The following ME1 variants were observed in gnomAD, a reference collection of about 807,000 sequenced individuals.
ME1 encodes NADP-dependent malic enzyme.
Under a neutral mutation model 66.4 loss-of-function variants are expected in ME1, and 74 were observed. The ratio of observed to expected loss-of-function variants is 1.11; its 90% CI spans 0.92 to 1.35. ME1 has a LOEUF of 1.35. Ranked by LOEUF, ME1 falls within the 40% of genes most tolerant of loss-of-function variation. ME1 has a pLI of 0.00. For missense variants in ME1, 750 were observed against 694.1 expected (o/e 1.08, Z -0.90); for synonymous variants, 251 against 235.6 (o/e 1.07, Z -0.60).
Position 83,223,948 on chromosome 6 carries a change from C to T in ME1, c.1276-15G>A, listed in dbSNP as rs1006290120. 6.2e-7 allele frequency: 1 copy of T among 1,606,816 alleles called. No homozygotes were observed. ...ATTGCACGTCCCTACAACAAAGACA[C>T]ATACAACTCACTTTAAAAAGAAGCA... On this transcript the variant is annotated splice_polypyrimidine_tract_variant and intron_variant, in intron 11 of 13. Transcript: ENST00000369705.
At chr6:83,410,782 TAAC>T (rs1249251487) in intron 1 of ME1, among the ~76,000 whole-genome samples, 2 of 152,236 alleles carry the variant, frequency 1.3e-5, no homozygotes, top group African/African-American at 2.4e-5. Context: ...TAATGGCACT[TAAC>T]AACATTTATT....
At chr6:83,344,681 A>G (rs1296813172) in intron 5 of ME1, among the ~76,000 whole-genome samples, 1 of 152,108 alleles carries the variant, frequency 6.6e-6, no homozygotes, top group African/African-American at 2.4e-5. Context: ...CAGGAGATCG[A>G]GACCATCCTG....
At chr6:83,218,504 G>A (rs1248370345) in intron 12 of ME1, among the ~76,000 whole-genome samples, 1 of 152,152 alleles carries the variant, frequency 6.6e-6, no homozygotes, top group Admixed American at 6.5e-5. Context: ...GCTGTAAGCT[G>A]TATACATTCC....
intron 1 of ME1, among the ~76,000 whole-genome samples, chr6:83,428,072 T>C (rs192474485): frequency 4.6e-5 from 7 of 150,968 alleles, no homozygotes; most frequent in Admixed American, 4.6e-4. Context: ...ATAGTACAAC[T>C]GAATACATAA....
In ME1 at chr6:83,413,279, T is replaced by C. The variant is rs534577379; in HGVS notation, c.79-5378A>G. ...TGCCTGCCTTGGCCTCCCAAAGTCC[T>C]AGGATTATTACACAATCAAATTAAA... On this transcript the variant is annotated intron_variant, in intron 1 of 13. Coordinates refer to ENST00000369705, the MANE Select transcript of ME1 (RefSeq NM_002395.6). Among the ~76,000 whole-genome samples the C allele has an allele frequency of 2.0e-5, 3 of 152,326 alleles. No individual in the cohort carries two copies. In the South Asian group the frequency reaches 6.2e-4, roughly 32 times the overall value.
chr6:83,353,853 G>A (rs1340501948), intron 3 of ME1, among the ~76,000 whole-genome samples: 2 of 152,132 alleles, frequency 1.3e-5, no homozygotes, highest in Admixed American at 1.3e-4. Context: ...GTTTCCTTGA[G>A]CAGAAAGTGG....
rs557680427 is a variant in ME1 at position 83,241,342 on chromosome 6, T to C, written c.815-1706A>G. Among the ~76,000 whole-genome samples the C allele has an allele frequency of 5.9e-5, 9 of 152,308 alleles. No individual in the cohort carries two copies. The South Asian group carries it at 8.3e-4, about 14-fold the overall frequency. ...AAGGGTTTCTATAAGATTTAACCAATTGAAGCATCAAAGTTGAAGTATCAT... is the reference window on the plus strand; with the variant it reads ...AAGGGTTTCTATAAGATTTAACCAACTGAAGCATCAAAGTTGAAGTATCAT... On this transcript the variant is annotated intron_variant, in intron 7 of 13. Coordinates refer to ENST00000369705, the MANE Select transcript of ME1 (RefSeq NM_002395.6).
intron 1 of ME1, among the ~76,000 whole-genome samples, chr6:83,424,542 A>G (rs1265555054): frequency 6.6e-6 from 1 of 152,178 alleles, no homozygotes; most frequent in Non-Finnish European, 1.5e-5. Context: ...CTAAACACAA[A>G]AATCAAAAGA....
intron 6 of ME1, among the ~76,000 whole-genome samples, chr6:83,284,742 C>G (rs1283880297): frequency 6.6e-6 from 1 of 152,070 alleles, no homozygotes; most frequent in Admixed American, 6.6e-5. Flanking sequence ...CAGCCAACAT[C>G]ATATTAAACT....
At chr6:83,230,945 T>TA (rs1332140512) in intron 9 of ME1, among the ~76,000 whole-genome samples, 5 of 151,308 alleles carry the variant, frequency 3.3e-5, no homozygotes, top group Admixed American at 1.3e-4. Context: ...AAATAAAAAA[T>TA]AAAAAAAAGA....
At chr6:83,248,609 G>A (rs1182324865) in intron 7 of ME1, among the ~76,000 whole-genome samples, 1 of 152,044 alleles carries the variant, frequency 6.6e-6, no homozygotes, top group African/African-American at 2.4e-5. Context: ...CATGGGGGCG[G>A]TTTTACCCAT....
chr6:83,410,652 G>A (rs1770032744), intron 1 of ME1, among the ~76,000 whole-genome samples: 1 of 152,136 alleles, frequency 6.6e-6, no homozygotes, highest in African/African-American at 2.4e-5. Context: ...TATATGTGAA[G>A]AAGCAGTAAA....
At chr6:83,225,655 C>T (rs1041183284) in intron 11 of ME1, among the ~76,000 whole-genome samples, 1 of 151,908 alleles carries the variant, frequency 6.6e-6, no homozygotes, top group African/African-American at 2.4e-5. Flanking sequence ...TTATGTTTTG[C>T]ACAGAATTCG....
chr6:83,280,220 T>C (rs937510901), intron 6 of ME1, among the ~76,000 whole-genome samples: 1 of 152,190 alleles, frequency 6.6e-6, no homozygotes, highest in South Asian at 2.1e-4. Flanking sequence ...TAAAATATTT[T>C]TCTTTTTCTC....
intron 11 of ME1, among the ~76,000 whole-genome samples, chr6:83,225,691 C>T (rs1176837554): frequency 6.6e-6 from 1 of 151,712 alleles, no homozygotes; most frequent in African/African-American, 2.4e-5. Context: ...AAGTCTGATA[C>T]CTTAAGCTCT....
chr6:83,327,045 A>G (rs939646262), intron 5 of ME1, among the ~76,000 whole-genome samples: 3 of 152,198 alleles, frequency 2.0e-5, no homozygotes, highest in Non-Finnish European at 4.4e-5. Context: ...CTTTACTGCA[A>G]TCTCTAAACA....
At chr6:83,234,189 G>T (rs764227549) in intron 9 of ME1, among the ~76,000 whole-genome samples, 2 of 152,040 alleles carry the variant, frequency 1.3e-5, no homozygotes, top group Non-Finnish European at 1.5e-5. Flanking sequence ...CAGATTTCAG[G>T]TAAAAATGTC....
intron 6 of ME1, among the ~76,000 whole-genome samples, chr6:83,301,101 C>T (rs563960972): frequency 3.9e-4 from 59 of 151,998 alleles, no homozygotes; most frequent in Non-Finnish European, 3.8e-4. Context: ...ATGTAAATGA[C>T]GAGTCAGTGG....
chr6:83,299,891 G>A (rs1268948717), intron 6 of ME1, among the ~76,000 whole-genome samples: 3 of 152,164 alleles, frequency 2.0e-5, no homozygotes, highest in East Asian at 3.8e-4. Context: ...CTGTTTATGT[G>A]ATGGATTTCA....
Sources: allele counts gnomAD v4.1 joint callset (sites outside exome capture counted in the v4.1 genomes callset), GRCh38; gene constraint gnomAD v4.1.1; transcripts MANE v1.5; gene names NCBI Gene and HGNC (gene_info 2026-07-23, HGNC 2026-07-21).